TNNT3: variants seen among roughly 807,000 people sequenced by gnomAD.
TNNT3 encodes troponin T, fast skeletal muscle.
A neutral mutation model predicts 54.2 loss-of-function variants in TNNT3; 36 were observed. The observed-to-expected ratio is 0.66, with a 90% CI of 0.51 to 0.88. The LOEUF is 0.88. Among genes scored for constraint, TNNT3 ranks in the 40% least tolerant of loss-of-function variants. TNNT3 has a pLI of 0.00. For missense variants in TNNT3, 291 were observed against 331.6 expected (o/e 0.88, Z 0.95); for synonymous variants, 120 against 109.7 (o/e 1.09, Z -0.59).
At chr11:1,937,037 G>T in intron 15 of TNNT3, 34 bp downstream of exon 15, 1 of 1,569,670 alleles carries the variant, frequency 6.4e-7, no homozygotes. Flanking sequence ...TCCGCACTGG[G>T]CACAGGGGCC....
At chr11:1,934,506 C>G (rs1322718955) in intron 12 of TNNT3, 40 bp from the exon 13 acceptor site, 4 of 1,607,428 alleles carry the variant, frequency 2.5e-6, no homozygotes, top group Admixed American at 1.7e-5. Flanking sequence ...CCTGTGCCCT[C>G]CTGAGACCAG....
intron 6 of TNNT3, 111 bp from the exon 7 acceptor site, chr11:1,929,009 G>T: frequency 8.0e-7 from 1 of 1,250,334 alleles, no homozygotes. Flanking sequence ...GAGAGTGTCC[G>T]AGTGAGAGGG....
At chr11:1,932,648 AGCTT>A in intron 9 of TNNT3, 134 bp downstream of exon 9, 1 of 817,174 alleles carries the variant, frequency 1.2e-6, no homozygotes, top group South Asian at 1.4e-5. Context: ...ATTCTACCAT[AGCTT>A]ATTCCTGGGC....
chr11:1,933,320 C>T (rs1317972614), intron 9 of TNNT3, among the ~76,000 whole-genome samples: 1 of 152,198 alleles, frequency 6.6e-6, no homozygotes, highest in Non-Finnish European at 1.5e-5. Flanking sequence ...CACTCATCCA[C>T]CCATCCATCA....
At chr11:1,925,150 C>G in intron 5 of TNNT3, 34 bp downstream of exon 5, 2 of 1,610,370 alleles carry the variant, frequency 1.2e-6, no homozygotes, top group Non-Finnish European at 1.7e-6. Context: ...CCCCCATGCC[C>G]ACTCCCCAGC....
At chr11:1,923,149 G>T in intron 3 of TNNT3, 88 bp downstream of exon 3, 1 of 1,570,058 alleles carries the variant, frequency 6.4e-7, no homozygotes. Context: ...CATACCCTGT[G>T]TCCCCTTGAC....
At chr11:1,933,187 G>C (rs375476890) in intron 9 of TNNT3, among the ~76,000 whole-genome samples, 225 of 115,288 alleles carry the variant, frequency 2.0e-3, no homozygotes, top group African/African-American at 7.0e-3. Flanking sequence ...CACCATCCAC[G>C]CATCCTCTAC....
In TNNT3 at chr11:1,931,293, C is replaced by T. The variant is rs542491600; in HGVS notation, c.126-1176C>T. Among the ~76,000 whole-genome samples, 20 of 152,304 alleles carry T rather than the reference C, an allele frequency of 1.3e-4. No homozygotes were observed. The South Asian group carries it at 3.9e-3, about 30-fold the overall frequency. On this transcript the variant is annotated intron_variant, in intron 8 of 15. Coordinates refer to ENST00000278317, the MANE Select transcript of TNNT3 (RefSeq NM_006757.4). ...AGGGTTATTTCCGTAGGCCACATTC[C>T]CAGAACTGGAATTACTGGGTCAAAG...
At chr11:1,934,094 C>A in intron 11 of TNNT3, 86 bp downstream of exon 11, 1 of 1,425,196 alleles carries the variant, frequency 7.0e-7, no homozygotes, top group South Asian at 1.2e-5. Flanking sequence ...TTCCTTCTCC[C>A]GGGGTTCCCA....
At chr11:1,932,110 A>G (rs1463441704) in intron 8 of TNNT3, among the ~76,000 whole-genome samples, 1 of 152,228 alleles carries the variant, frequency 6.6e-6, no homozygotes, top group African/African-American at 2.4e-5. Flanking sequence ...CGCCACCCAC[A>G]GTGGCCATCG....
intron 9 of TNNT3, among the ~76,000 whole-genome samples, chr11:1,933,461 G>T (rs1397665030): frequency 6.6e-6 from 1 of 152,216 alleles, no homozygotes; most frequent in Non-Finnish European, 1.5e-5. Flanking sequence ...CCATCCTAAG[G>T]ATGCTGAGGA....
At chr11:1,927,958 G>A (rs1337254290) in intron 6 of TNNT3, 2 of 152,310 alleles carry the variant, frequency 1.3e-5, no homozygotes, top group Admixed American at 6.5e-5. Flanking sequence ...CATCCGGAAC[G>A]GGTGACCTCA....
chr11:1,920,873 A>C (rs1461560146), intron 1 of TNNT3, among the ~76,000 whole-genome samples: 1 of 152,004 alleles, frequency 6.6e-6, no homozygotes, highest in African/African-American at 2.4e-5. Flanking sequence ...AGAGGCAATG[A>C]CACAGGCCAT....
At chr11:1,925,427 A>C in intron 5 of TNNT3, 1 of 819,258 alleles carries the variant, frequency 1.2e-6, no homozygotes, top group Non-Finnish European at 2.0e-6. Context: ...GTAACCCACT[A>C]ACCGCGGCCA....
chr11:1,926,300 G>A (rs1851555423), intron 5 of TNNT3, among the ~76,000 whole-genome samples: 1 of 152,226 alleles, frequency 6.6e-6, no homozygotes. Flanking sequence ...ATGGGACTGG[G>A]GCGGTGGCCG....
intron 14 of TNNT3, chr11:1,936,222 T>C: frequency 1.2e-6 from 2 of 1,613,878 alleles, no homozygotes; most frequent in Non-Finnish European, 1.7e-6. Flanking sequence ...AGATCATGAA[T>C]GTCCGGGCCA....
At chr11:1,921,651 G>A (rs1437644728) in intron 1 of TNNT3, 2 of 152,228 alleles carry the variant, frequency 1.3e-5, no homozygotes, top group Admixed American at 6.5e-5. Context: ...GTTGCTCTGG[G>A]AAAATTAACA....
chr11:1,934,608 G>A lies in TNNT3; in HGVS notation c.543G>A (p.Glu181=). 2.5e-6 allele frequency: 4 copies of A among 1,609,566 alleles called. No homozygotes were observed. The highest frequency in any genetic ancestry group is 3.4e-6 in the Non-Finnish European group (4 of 1,178,466). ...AREMKKKILA[E]RRKPLNIDHL... ...AAATGAAGAAGAAGATTCTGGCTGA[G>A]AGACGCAAGCCGCTCAACATCGATC... The change falls in exon 13 of 16, where the codon GAG becomes GAA. Residue 181 remains glutamate, a synonymous_variant. Transcript: ENST00000278317.
At chr11:1,927,026 G>A (rs1401862333) in intron 6 of TNNT3, among the ~76,000 whole-genome samples, 4 of 152,202 alleles carry the variant, frequency 2.6e-5, no homozygotes, top group Admixed American at 6.5e-5. Flanking sequence ...GGCCTTGGGA[G>A]GACGGTGCTG....
Sources: allele counts gnomAD v4.1 joint callset (sites outside exome capture counted in the v4.1 genomes callset), GRCh38; gene constraint gnomAD v4.1.1; transcripts MANE v1.5; gene names NCBI Gene and HGNC (gene_info 2026-07-23, HGNC 2026-07-21).